Variants in MAP9 observed in about 807,000 individuals in gnomAD.
The protein encoded by MAP9 is microtubule associated protein 9.
In MAP9, 80 loss-of-function variants were observed where a neutral mutation model predicts 75.2. The observed-to-expected ratio is 1.06, with a 90% CI of 0.89 to 1.28. MAP9 has a LOEUF of 1.28. Among genes scored for constraint, MAP9 ranks in the 50% most tolerant of loss-of-function variants. MAP9 has a pLI of 0.00. For missense variants in MAP9, 753 were observed against 719.9 expected (o/e 1.05, Z -0.53); for synonymous variants, 235 against 237.3 (o/e 0.99, Z 0.09).
chr4:155,343,059 T>C lies in MAP9; in HGVS notation c.*4724A>G, dbSNP rs1028076325. On this transcript the variant is annotated 3_prime_UTR_variant, in exon 14 of 14. Coordinates refer to ENST00000311277, the MANE Select transcript of MAP9 (RefSeq NM_001039580.2). ...AAATTATTAGAAAATTATATTAGCA[T>C]GGAAATATGTTCATGATATATCACT... is the stretch of plus-strand genomic sequence containing the variant. 6.6e-6 allele frequency: 1 copy of C among 151,996 alleles called. No individual in the cohort carries two copies. Among genetic ancestry groups the C allele is most frequent in the Non-Finnish European group, 1.5e-5 (1 of 67,924 alleles). The allele number at this position is 151,996 out of a possible 1,614,324, so 9.4% of individuals were successfully genotyped here.
In MAP9 at chr4:155,346,027, G is replaced by T. The variant is rs547135661; in HGVS notation, c.*1756C>A. 3 of 152,126 alleles carry T rather than the reference G, an allele frequency of 2.0e-5. No individual in the cohort carries two copies. Among genetic ancestry groups the T allele is most frequent in the Non-Finnish European group, 4.4e-5 (3 of 68,020 alleles). The allele number at this position is 152,126 out of a possible 1,614,324, so 9.4% of individuals were successfully genotyped here. ...CAGATCAATTTCATAAAGTATTACA[G>T]TTCTGGCCATATAGAAAGGGTTCTA... On this transcript the variant is annotated 3_prime_UTR_variant, in exon 14 of 14. Transcript: ENST00000311277.
rs1731212943 is a variant in MAP9 at position 155,344,413 on chromosome 4, T to G, written c.*3370A>C. ...TGTACCATAGTTAGTTGTATGAGAT[T>G]GGACAAGTCAAAGTACTTGACAATC... On this transcript the variant is annotated 3_prime_UTR_variant, in exon 14 of 14. Coordinates refer to ENST00000311277, the MANE Select transcript of MAP9 (RefSeq NM_001039580.2). 1 of 151,980 alleles carries G rather than the reference T, an allele frequency of 6.6e-6. No individual in the cohort carries two copies. The highest frequency in any genetic ancestry group is 2.4e-5 in the African/African-American group (1 of 41,434). The allele number at this position is 151,980 out of a possible 1,614,324, so 9.4% of individuals were successfully genotyped here. A position where few individuals can be genotyped will look rare whatever the true frequency, so the allele number is the denominator to read the frequency against.
At position 155,368,487 on chromosome 4, in the gene MAP9, C is replaced by T. The variant is rs1343856964; in HGVS notation, c.708+99G>A. ...CAGAAGAAAGTATGTAAAACACACA[C>T]ACACGCACACAAATTCATTCTCTCC... On this transcript the variant is annotated intron_variant, in intron 5 of 13. Transcript: ENST00000311277. 4 of 956,276 alleles carry T rather than the reference C, an allele frequency of 4.2e-6. No homozygotes were observed. In the Admixed American group the frequency reaches 5.8e-5, roughly 14 times the overall value. The allele number at this position is 956,276 out of a possible 1,614,324, so 59.2% of individuals were successfully genotyped here.
At chr4:155,354,178 G>A (rs930173548) in intron 10 of MAP9, 4 of 152,070 alleles carry the variant, frequency 2.6e-5, no homozygotes, top group African/African-American at 9.7e-5. Context: ...GTTCACCTTG[G>A]AAAATATTTT....
rs955619798 is a variant in MAP9 at position 155,343,962 on chromosome 4, G to A, written c.*3821C>T. 1.3e-5 allele frequency: 2 copies of A among 151,848 alleles called. No homozygotes were observed. Among genetic ancestry groups the A allele is most frequent in the Admixed American group, 1.3e-4 (2 of 15,248 alleles). 9.4% of individuals were successfully genotyped at this position (151,848 alleles called of 1,614,324 possible). A position where few individuals can be genotyped will look rare whatever the true frequency, so the allele number is the denominator to read the frequency against. ...AGGAAAGTTGATATCTTTCTTTTAT[G>A]TAAAAGGAAGCATATGGGTTTAAAT... On this transcript the variant is annotated 3_prime_UTR_variant, in exon 14 of 14. Transcript: ENST00000311277.
Position 155,359,230 on chromosome 4 carries a change from C to T in MAP9, c.1050+938G>A, listed in dbSNP as rs1010126259. 6.1e-4 allele frequency among the ~76,000 whole-genome samples: 93 copies of T among 151,722 alleles called. 1 individual carries two copies. The highest frequency in any genetic ancestry group is 2.0e-3 in the African/African-American group (84 of 41,418). ...GTGTATACACACACACACACACACA[C>T]ACACACACACACACACAGGAATACT... On this transcript the variant is annotated intron_variant, in intron 7 of 13. Transcript: ENST00000311277.
In MAP9 at chr4:155,375,014, A is replaced by AT. The variant is rs758602190; in HGVS notation, c.82_83insA (p.Leu28HisfsTer16). 4 of 1,570,578 alleles carry AT rather than the reference A, an allele frequency of 2.5e-6. No individual in the cohort carries two copies. The highest frequency in any genetic ancestry group is 3.5e-6 in the Non-Finnish European group (4 of 1,149,052). ...TGAGCGAGCTGTAATTGCTCTTATT[A>AT]GCTCATCCTGAAATGAGATACTGAA... On this transcript the variant is annotated frameshift_variant, in exon 3 of 14. Transcript: ENST00000311277. LOFTEE classifies it high-confidence loss of function.
rs771280569 is a variant in MAP9 at position 155,373,455 on chromosome 4, A to C, written c.162T>G (p.Val54=). ...YSDDFDSDEI[V]SLGDFSDTSA... is the part of the protein sequence containing the mutation. The stretch of plus-strand genomic sequence containing the variant: ...AAGTGTCAGAAAAATCACCTAAAGA[A>C]ACTGAAAAATGGAAAAGAAAAATGT... Residue 54 remains valine, a splice_region_variant and synonymous_variant, in exon 4 of 14, where the codon GTT becomes GTG. Transcript: ENST00000311277. The C allele has an allele frequency of 2.0e-6, 3 of 1,494,918 alleles. No individual in the cohort carries two copies. Among genetic ancestry groups the C allele is most frequent in the Admixed American group, 5.0e-5 (2 of 40,228 alleles). The allele number at this position is 1,494,918 out of a possible 1,614,324, so 92.6% of individuals were successfully genotyped here. A position where few individuals can be genotyped will look rare whatever the true frequency, so the allele number is the denominator to read the frequency against.
chr4:155,368,109 C>T (rs939664468), intron 5 of MAP9: 10 of 173,238 alleles, frequency 5.8e-5, no homozygotes, highest in Middle Eastern at 2.9e-3. Flanking sequence ...CCAAAGAACA[C>T]AGAAGAGTGC....
chr4:155,369,466 G>A (rs943527582), intron 4 of MAP9, among the ~76,000 whole-genome samples: 1 of 131,024 alleles, frequency 7.6e-6, no homozygotes, highest in Non-Finnish European at 1.5e-5. Flanking sequence ...AAAAAAAAAT[G>A]TTAAAAATAA....
At chr4:155,359,449 G>A (rs958448359) in intron 7 of MAP9, among the ~76,000 whole-genome samples, 22 of 152,002 alleles carry the variant, frequency 1.4e-4, no homozygotes, top group Non-Finnish European at 2.9e-4. Context: ...AAGGTGAGAG[G>A]GAGGTGCGGG....
intron 1 of MAP9, chr4:155,376,310 C>CAA (rs528730054): frequency 1.3e-5 from 2 of 149,086 alleles, no homozygotes; most frequent in Non-Finnish European, 3.0e-5. Flanking sequence ...GCACCACCAC[C>CAA]AAAAAAAAAA....
chr4:155,350,209 C>T (rs1463932124), intron 13 of MAP9: 2 of 450,952 alleles, frequency 4.4e-6, no homozygotes, highest in Non-Finnish European at 8.9e-6. Context: ...AGTCATTAGA[C>T]TCCTATACAG....
At position 155,355,839 on chromosome 4, in the gene MAP9, T is replaced by C. The variant is rs1161300453; in HGVS notation, c.1167A>G (p.Arg389=). The C allele has an allele frequency of 6.2e-7, 1 of 1,613,738 alleles. No individual in the cohort carries two copies. Among genetic ancestry groups the C allele is most frequent in the African/African-American group, 1.3e-5 (1 of 75,038 alleles). Residue 389 remains arginine (R), a synonymous_variant, in exon 9 of 14, where the codon AGA becomes AGG. Coordinates refer to ENST00000311277, the MANE Select transcript of MAP9 (RefSeq NM_001039580.2). ...EFLKKSSSKR[R]TPSTTTSSHY... ...GAGAAGAGGTAGTTGTCGATGGAGT[T>C]CTCCTTTTAGAACTAGATTTCTTCA...
chr4:155,353,645 A>C (rs1045874057), intron 10 of MAP9, among the ~76,000 whole-genome samples: 2 of 152,136 alleles, frequency 1.3e-5, no homozygotes, highest in African/African-American at 4.8e-5. Flanking sequence ...AAATTATATC[A>C]AAATAAACTG....
chr4:155,353,553 C>T (rs906572739), intron 10 of MAP9, among the ~76,000 whole-genome samples: 6 of 152,060 alleles, frequency 3.9e-5, no homozygotes, highest in Non-Finnish European at 5.9e-5. Context: ...GGTTTTAAAA[C>T]GTCCTTTTCT....
intron 10 of MAP9, chr4:155,354,194 T>C (rs1409864691): frequency 6.6e-6 from 1 of 152,152 alleles, no homozygotes; most frequent in Non-Finnish European, 1.5e-5. Context: ...ATTTTTCTTC[T>C]AAATCTATTT....
At position 155,357,440 on chromosome 4, in the gene MAP9, CTT is replaced by C; in HGVS notation, c.1121+7_1121+8del. On this transcript the variant is annotated splice_region_variant and intron_variant, in intron 8 of 13. Transcript: ENST00000311277. ...GCCCATAAATGACAAATATTGGTAA[CTT>C]TATTACCTGGCAGATGCACTGGATG... The C allele has an allele frequency of 6.6e-7, 1 of 1,522,768 alleles. No homozygotes were observed. The highest frequency in any genetic ancestry group is 9.1e-7 in the Non-Finnish European group (1 of 1,098,026). 94.3% of individuals were successfully genotyped at this position (1,522,768 alleles called of 1,614,324 possible).
At chr4:155,368,542 A>T (rs566599194) in intron 5 of MAP9, 44 bp downstream of exon 5, 1 of 1,456,832 alleles carries the variant, frequency 6.9e-7, no homozygotes, top group South Asian at 1.1e-5. Context: ...ATAAAAAAGC[A>T]TAAATTCAAG....
Sources: allele counts gnomAD v4.1 joint callset (sites outside exome capture counted in the v4.1 genomes callset), GRCh38; gene constraint gnomAD v4.1.1; transcripts MANE v1.5; gene names NCBI Gene and HGNC (gene_info 2026-07-23, HGNC 2026-07-21).